GSE1: variants seen among roughly 807,000 people sequenced by gnomAD.
GSE1 encodes Gse1 coiled-coil protein.
GSE1 carries 32 observed loss-of-function variants against 112.6 expected under a neutral mutation model. That is an observed-to-expected ratio of 0.28 (90% CI 0.21 to 0.38). The LOEUF (loss-of-function observed/expected upper bound fraction) is 0.38, where lower values mean the gene tolerates loss of function less well. GSE1 is among the 10% of genes least tolerant of loss of function. GSE1 has a pLI of 1.00. For missense variants in GSE1, 2,348 were observed against 1,699.2 expected (o/e 1.38, Z -6.71); for synonymous variants, 1,115 against 735.6 (o/e 1.52, Z -8.35).
chr16:85,648,862 C>G (rs1041399934), intron 3 of GSE1, 111 bp downstream of exon 3: 1 of 579,088 alleles, frequency 1.7e-6, no homozygotes, highest in Non-Finnish European at 2.9e-6. Flanking sequence ...CCAGACACCC[C>G]CTCCCCCACC....
chr16:85,353,286 G>A (rs1327107248), intron 1 of GSE1, among the ~76,000 whole-genome samples: 1 of 152,194 alleles, frequency 6.6e-6, no homozygotes, highest in Non-Finnish European at 1.5e-5. Flanking sequence ...TTTGTCTGTA[G>A]GACTGAGGGC....
At chr16:85,446,598 C>T (rs776556163) in intron 2 of GSE1, among the ~76,000 whole-genome samples, 6 of 152,078 alleles carry the variant, frequency 3.9e-5, no homozygotes, top group Non-Finnish European at 7.4e-5. Flanking sequence ...GAGGGTAGCC[C>T]GGGGTGGGGC....
chr16:85,235,210 A>G (rs1477831773), intron 1 of GSE1, among the ~76,000 whole-genome samples: 1 of 151,990 alleles, frequency 6.6e-6, no homozygotes, highest in Admixed American at 6.5e-5. Context: ...CTGAAAGGAA[A>G]CATCCAATAA....
chr16:85,177,646 T>C (rs937795681), intron 1 of GSE1, among the ~76,000 whole-genome samples: 7 of 152,206 alleles, frequency 4.6e-5, no homozygotes, highest in African/African-American at 7.2e-5. Flanking sequence ...TCTGAGGCCA[T>C]GTCTGGACTC....
At chr16:85,483,646 C>A (rs576692831) in intron 2 of GSE1, among the ~76,000 whole-genome samples, 1 of 152,280 alleles carries the variant, frequency 6.6e-6, no homozygotes, top group Admixed American at 6.5e-5. Context: ...CGGGCTGAGA[C>A]GGATGGGCCT....
At chr16:85,361,716 A>C (rs2047086157) in intron 2 of GSE1, among the ~76,000 whole-genome samples, 1 of 152,174 alleles carries the variant, frequency 6.6e-6, no homozygotes, top group Non-Finnish European at 1.5e-5. Context: ...GTACAGGAGG[A>C]GCCTGTGCCG....
intron 2 of GSE1, among the ~76,000 whole-genome samples, chr16:85,635,903 GGGCCCAGCAGCGGCCGTGGGC>G (rs2049956322): frequency 6.6e-6 from 1 of 152,268 alleles, no homozygotes; most frequent in African/African-American, 2.4e-5. Context: ...TTCCCTCCCT[GGGCCCAGCAGCGGCCGTGGGC>G]GTCACAGCAG....
At chr16:85,170,271 G>A (rs2074337860) in exon 1 of GSE1, 1 of 985,648 alleles carries the variant, frequency 1.0e-6, no homozygotes, top group African/African-American at 1.7e-5. Flanking sequence ...GGGAGCCCAA[G>A]TCCGGGGTTA....
intron 2 of GSE1, among the ~76,000 whole-genome samples, chr16:85,541,882 C>T (rs1598116894): frequency 6.6e-6 from 1 of 152,332 alleles, no homozygotes; most frequent in African/African-American, 2.4e-5. Context: ...GTCTCCCTCC[C>T]CAGCACTGGG....
intron 1 of GSE1, among the ~76,000 whole-genome samples, chr16:85,330,993 C>T (rs961261316): frequency 1.3e-5 from 2 of 152,064 alleles, no homozygotes; most frequent in African/African-American, 4.8e-5. Flanking sequence ...TGCAAGCCAC[C>T]TAGTGGGGAG....
chr16:85,224,623 G>A lies in GSE1; in HGVS notation c.2283+52816G>A, dbSNP rs528721086. Among the ~76,000 whole-genome samples the A allele has an allele frequency of 9.1e-4, 138 of 152,224 alleles. 1 individual carries two copies. Among genetic ancestry groups the A allele is most frequent in the African/African-American group, 3.3e-3 (135 of 41,534 alleles). On this transcript the variant is annotated intron_variant, in intron 1 of 2. Transcript: ENST00000637419. ...TGGTGATGGTGGTGTAGCCGTGGACGACAGCTCCATCCCTTCCCCTGCCGA... is the reference window on the plus strand; with the variant it reads ...TGGTGATGGTGGTGTAGCCGTGGACAACAGCTCCATCCCTTCCCCTGCCGA...
At chr16:85,488,107 C>T (rs1342887347) in intron 2 of GSE1, among the ~76,000 whole-genome samples, 1 of 152,202 alleles carries the variant, frequency 6.6e-6, no homozygotes, top group East Asian at 1.9e-4. Flanking sequence ...GCCATGCTTC[C>T]CTCTGCAGCC....
At chr16:85,185,078 C>G (rs1398991377) in intron 1 of GSE1, 1 of 152,228 alleles carries the variant, frequency 6.6e-6, no homozygotes, top group Non-Finnish European at 1.5e-5. Flanking sequence ...TCCAGTCTTT[C>G]ATCGTGGATT....
chr16:85,649,956 C>T (rs2051194828), intron 3 of GSE1, among the ~76,000 whole-genome samples: 1 of 152,190 alleles, frequency 6.6e-6, no homozygotes, highest in South Asian at 2.1e-4. Flanking sequence ...TCCAGGGTCC[C>T]AGTGGGAATC....
At chr16:85,246,990 G>C (rs1453547424) in intron 1 of GSE1, among the ~76,000 whole-genome samples, 1 of 152,086 alleles carries the variant, frequency 6.6e-6, no homozygotes, top group African/African-American at 2.4e-5. Flanking sequence ...AAGTGGCTCG[G>C]GGGTGGGGGT....
intron 2 of GSE1, among the ~76,000 whole-genome samples, chr16:85,410,362 GCC>G (rs1451602225): frequency 2.5e-5 from 1 of 39,616 alleles, no homozygotes; most frequent in Non-Finnish European, 4.4e-5. Context: ...TACACTCAGG[GCC>G]CCCCGGATAA....
intron 1 of GSE1, among the ~76,000 whole-genome samples, chr16:85,235,948 C>G (rs1357831083): frequency 6.6e-6 from 1 of 151,988 alleles, no homozygotes; most frequent in East Asian, 1.9e-4. Flanking sequence ...AGCGAGGCTG[C>G]AGCAGCCGGC....
chr16:85,208,084 A>G (rs1279837245), intron 1 of GSE1, among the ~76,000 whole-genome samples: 1 of 152,054 alleles, frequency 6.6e-6, no homozygotes, highest in Non-Finnish European at 1.5e-5. Flanking sequence ...GTGTGGTTGG[A>G]GCAGCATTAG....
At chr16:85,622,636 T>C (rs571171426) in intron 1 of GSE1, among the ~76,000 whole-genome samples, 1 of 152,156 alleles carries the variant, frequency 6.6e-6, no homozygotes, top group Non-Finnish European at 1.5e-5. Flanking sequence ...ATCTTGAGAG[T>C]GGACCTTTTT....
Sources: gnomAD v4.1 joint callset for allele counts (sites outside exome capture counted in the v4.1 genomes callset) on GRCh38, gnomAD v4.1.1 for gene constraint, MANE v1.5 for transcripts, NCBI Gene and HGNC (gene_info 2026-07-23, HGNC 2026-07-21) for gene names.